The following RTN4IP1 variants were observed in gnomAD, a reference collection of about 807,000 sequenced individuals.
RTN4IP1 encodes reticulon 4 interacting protein 1.
Under a neutral mutation model 46.6 loss-of-function variants are expected in RTN4IP1, and 32 were observed. That is an observed-to-expected ratio of 0.69 (90% confidence interval 0.52 to 0.92). The LOEUF is 0.92. RTN4IP1 is among the 40% of genes least tolerant of loss of function. The pLI, the probability that RTN4IP1 is intolerant of heterozygous loss-of-function variation, is 0.00. For missense variants in RTN4IP1, 424 were observed against 485.8 expected, an observed-to-expected ratio of 0.87 and a Z score of 1.20; for synonymous variants, 167 against 161.8, an observed-to-expected ratio of 1.03 and a Z score of -0.24.
chr6:106,579,851 C>T (rs754421568), intron 8 of RTN4IP1, among the ~76,000 whole-genome samples: 59 of 151,550 alleles, frequency 3.9e-4, no homozygotes, highest in Admixed American at 1.1e-3. Context: ...TGGGCCCAAG[C>T]GATCCTCCCA....
chr6:106,572,262 C>T lies in RTN4IP1; in HGVS notation c.1084-159G>A, dbSNP rs1775086376. The T allele has an allele frequency of 4.9e-6, 3 of 615,416 alleles. No individual in the cohort carries two copies. The Admixed American group carries it at 8.6e-5, about 18-fold the overall frequency. 38.1% of individuals were successfully genotyped at this position (615,416 alleles called of 1,614,324 possible). A position where few individuals can be genotyped will look rare whatever the true frequency, so the allele number is the denominator to read the frequency against. On this transcript the variant is annotated intron_variant, in intron 8 of 8. Transcript: ENST00000369063. ...TCAGGCTCTCACAAGGGCCATGATG[C>T]TGCCTCCACTCCTGCCTCACTGCTG...
At chr6:106,618,765 G>A (rs1776410199) in intron 4 of RTN4IP1, among the ~76,000 whole-genome samples, 1 of 152,094 alleles carries the variant, frequency 6.6e-6, no homozygotes, top group Non-Finnish European at 1.5e-5. Context: ...TCCCTTTATA[G>A]AAATATGCAA....
intron 8 of RTN4IP1, among the ~76,000 whole-genome samples, chr6:106,579,425 T>C (rs1775304916): frequency 6.6e-6 from 1 of 152,102 alleles, no homozygotes; most frequent in South Asian, 2.1e-4. Context: ...CGACTTGCAA[T>C]AAGGCTTCGT....
intron 3 of RTN4IP1, 52 bp downstream of exon 3, chr6:106,621,373 G>T: frequency 3.1e-6 from 4 of 1,282,384 alleles, no homozygotes; most frequent in South Asian, 1.2e-5. Context: ...TCAGATATTT[G>T]CCAGTCTTTG....
intron 4 of RTN4IP1, among the ~76,000 whole-genome samples, chr6:106,608,596 GC>G (rs1168042800): frequency 6.6e-6 from 1 of 152,086 alleles, no homozygotes; most frequent in Non-Finnish European, 1.5e-5. Flanking sequence ...ATCACACTAT[GC>G]CCCATAAATG....
At chr6:106,583,223 A>G (rs1165915471) in intron 8 of RTN4IP1, 105 bp downstream of exon 8, 7 of 811,364 alleles carry the variant, frequency 8.6e-6, no homozygotes, top group Non-Finnish European at 1.2e-5. Context: ...TCAGGTGAGC[A>G]GGCTACCTCT....
At chr6:106,628,720 A>C in intron 1 of RTN4IP1, 28 bp downstream of exon 1, 1 of 1,572,922 alleles carries the variant, frequency 6.4e-7, no homozygotes. Flanking sequence ...TTTTTTAAAA[A>C]AGGTAACAAT....
intron 5 of RTN4IP1, among the ~76,000 whole-genome samples, chr6:106,593,359 T>A (rs1775709668): frequency 6.6e-6 from 1 of 152,206 alleles, no homozygotes; most frequent in Non-Finnish European, 1.5e-5. Context: ...CAGAAAGCAT[T>A]CTGCTCCAAA....
intron 5 of RTN4IP1, 36 bp downstream of exon 5, chr6:106,602,838 A>G (rs778620868): frequency 6.9e-7 from 1 of 1,444,210 alleles, no homozygotes; most frequent in South Asian, 1.3e-5. Flanking sequence ...ATGCAAACAA[A>G]ATCCTCCTAT....
At chr6:106,590,442 C>A (rs893213927) in intron 6 of RTN4IP1, among the ~76,000 whole-genome samples, 1 of 151,372 alleles carries the variant, frequency 6.6e-6, no homozygotes, top group East Asian at 2.0e-4. Context: ...TCGGGCTGGG[C>A]GCGGTGGTTC....
chr6:106,615,965 C>T (rs1582385475), intron 4 of RTN4IP1, among the ~76,000 whole-genome samples: 1 of 151,822 alleles, frequency 6.6e-6, no homozygotes, highest in East Asian at 1.9e-4. Flanking sequence ...TGTCACCAGG[C>T]TGGAGTACCG....
rs182905270 is a variant in RTN4IP1 at position 106,583,449 on chromosome 6, A to G, written c.991-29T>C. 4.3e-4 allele frequency: 660 copies of G among 1,551,236 alleles called. 4 individuals carry two copies. The African/African-American group carries it at 8.0e-3, about 19-fold the overall frequency. ...AAAAGAAGAAAACAAAACATGTCAA[A>G]TACAGAAAAACATAAAATCTGACTA... On this transcript the variant is annotated intron_variant, in intron 7 of 8. Transcript: ENST00000369063.
At chr6:106,623,899 T>C (rs1776561559) in intron 1 of RTN4IP1, among the ~76,000 whole-genome samples, 1 of 152,228 alleles carries the variant, frequency 6.6e-6, no homozygotes. Context: ...TATAAAGTAC[T>C]TGATGCTGAC....
chr6:106,629,849 A>G (rs1776778710), upstream of RTN4IP1: 1 of 993,722 alleles, frequency 1.0e-6, no homozygotes, highest in Non-Finnish European at 1.5e-6. Context: ...GTACCTTTCG[A>G]TTCTTCGGGT....
chr6:106,572,990 T>C (rs772308551), intron 8 of RTN4IP1, among the ~76,000 whole-genome samples: 1 of 152,232 alleles, frequency 6.6e-6, no homozygotes, highest in Non-Finnish European at 1.5e-5. Flanking sequence ...GTGAGCTTTC[T>C]GGGCTTCGAG....
At chr6:106,598,195 A>C (rs1278521363) in intron 5 of RTN4IP1, among the ~76,000 whole-genome samples, 1 of 152,108 alleles carries the variant, frequency 6.6e-6, no homozygotes, top group Non-Finnish European at 1.5e-5. Context: ...ATTTATAGTC[A>C]TTTGGGTATA....
At position 106,623,668 on chromosome 6, in the gene RTN4IP1, A is replaced by G. The variant is rs373120995; in HGVS notation, c.275-699T>C. Among the ~76,000 whole-genome samples, 6 of 152,248 alleles carry G rather than the reference A, an allele frequency of 3.9e-5. No individual in the cohort carries two copies. In the East Asian group the frequency reaches 7.7e-4, roughly 20 times the overall value. ...TAAACTAAAGCCACCATTGTTCAAA[A>G]TATTTTTGAAATTCAAATTTTGAAA... On this transcript the variant is annotated intron_variant, in intron 1 of 8. Coordinates refer to ENST00000369063, the MANE Select transcript of RTN4IP1 (RefSeq NM_032730.5).
chr6:106,607,099 T>C (rs1355483084), intron 4 of RTN4IP1, among the ~76,000 whole-genome samples: 1 of 152,096 alleles, frequency 6.6e-6, no homozygotes, highest in East Asian at 1.9e-4. Context: ...TAAATCAACC[T>C]ATTTATAGCC....
In RTN4IP1 at chr6:106,622,893, C is replaced by T. The variant is rs371666401; in HGVS notation, c.351G>A (p.Leu117=). ...HVKIKGEEFP[L]TLGRDVSGVV... ...CGCCAGAGACATCCCGACCCAGAGT[C>T]AGAGGAAATTCTTCTCCTTTGATTT... is the stretch of plus-strand genomic sequence containing the variant. The change falls in exon 2 of 9, where the codon CTG becomes CTA. Residue 117 remains leucine (L), a synonymous_variant. Transcript: ENST00000369063. The T allele has an allele frequency of 3.1e-6, 5 of 1,614,064 alleles. No homozygotes were observed. The African/African-American group carries it at 6.7e-5, about 22-fold the overall frequency.
Sources: gnomAD v4.1 joint callset for allele counts (sites outside exome capture counted in the v4.1 genomes callset) on GRCh38, gnomAD v4.1.1 for gene constraint, MANE v1.5 for transcripts, NCBI Gene and HGNC (gene_info 2026-07-23, HGNC 2026-07-21) for gene names.